The following ZNF385B variants were observed in gnomAD, a reference collection of about 807,000 sequenced individuals.
The protein encoded by ZNF385B is zinc finger protein 385B, also known as zinc finger protein 533.
ZNF385B carries 23 observed loss-of-function variants against 39.2 expected under a neutral mutation model. The observed-to-expected ratio is 0.59, with a 90% CI of 0.42 to 0.83. ZNF385B has a LOEUF of 0.83. Among genes scored for constraint, ZNF385B ranks in the 40% least tolerant of loss-of-function variants. The pLI is 0.00. For missense variants in ZNF385B, 552 were observed against 598.9 expected, an observed-to-expected ratio of 0.92 and a Z score of 0.82; for synonymous variants, 205 against 222.6, an observed-to-expected ratio of 0.92 and a Z score of 0.70.
chr2:179,493,511 G>GTATACATATGTGTGTACATATATGCA (rs2055527893), intron 5 of ZNF385B, among the ~76,000 whole-genome samples: 2 of 151,012 alleles, frequency 1.3e-5, no homozygotes, highest in South Asian at 2.1e-4. Context: ...ACATATATGC[G>GTATACATATGTGTGTACATATATGCA]TATACATATG....
chr2:179,790,465 T>C (rs1705260419), intron 1 of ZNF385B, among the ~76,000 whole-genome samples: 1 of 152,158 alleles, frequency 6.6e-6, no homozygotes, highest in African/African-American at 2.4e-5. Flanking sequence ...TTCAGTAAAT[T>C]TGGCATTTGT....
At chr2:179,675,978 G>A (rs943344764) in intron 3 of ZNF385B, among the ~76,000 whole-genome samples, 1 of 150,944 alleles carries the variant, frequency 6.6e-6, no homozygotes, top group African/African-American at 2.4e-5. Flanking sequence ...TAGTAGAGAC[G>A]GGGTTTCACC....
intron 3 of ZNF385B, among the ~76,000 whole-genome samples, chr2:179,747,495 A>G (rs1325124513): frequency 2.0e-5 from 3 of 152,096 alleles, no homozygotes; most frequent in Non-Finnish European, 2.9e-5. Context: ...TGACTTTGCA[A>G]TTGTTCAGTG....
intron 6 of ZNF385B, among the ~76,000 whole-genome samples, chr2:179,457,556 C>G (rs1472737185): frequency 6.6e-6 from 1 of 151,970 alleles, no homozygotes; most frequent in Non-Finnish European, 1.5e-5. Flanking sequence ...TATTGTCAGT[C>G]CTTTTGATTT....
intron 1 of ZNF385B, among the ~76,000 whole-genome samples, chr2:179,785,826 T>C (rs1008336388): frequency 2.6e-5 from 4 of 152,192 alleles, no homozygotes; most frequent in African/African-American, 7.2e-5. Context: ...TTAAATAGTT[T>C]AGAATATTTC....
intron 1 of ZNF385B, among the ~76,000 whole-genome samples, chr2:179,858,190 A>G (rs139261893): frequency 0.023 from 3,480 of 152,304 alleles, 132 homozygotes; most frequent in African/African-American, 0.079. Context: ...ATAAAGCATC[A>G]TGGAGATGAA....
intron 3 of ZNF385B, among the ~76,000 whole-genome samples, chr2:179,709,323 T>C (rs1386629682): frequency 5.3e-5 from 8 of 152,206 alleles, no homozygotes; most frequent in Non-Finnish European, 8.8e-5. Context: ...ACTAATGTTG[T>C]TCTGTCTGCC....
intron 5 of ZNF385B, among the ~76,000 whole-genome samples, chr2:179,514,859 A>G (rs2057973808): frequency 6.6e-6 from 1 of 151,044 alleles, no homozygotes; most frequent in South Asian, 2.1e-4. Flanking sequence ...GCTCACTGCA[A>G]CCTCTGCCAC....
At chr2:179,476,786 A>T (rs907668515) in intron 6 of ZNF385B, among the ~76,000 whole-genome samples, 12 of 152,304 alleles carry the variant, frequency 7.9e-5, no homozygotes, top group Admixed American at 2.0e-4. Flanking sequence ...TTTCATGAAA[A>T]TATGAGCTTT....
chr2:179,697,956 C>A (rs1301428820), intron 3 of ZNF385B, among the ~76,000 whole-genome samples: 2 of 152,150 alleles, frequency 1.3e-5, no homozygotes, highest in Non-Finnish European at 2.9e-5. Flanking sequence ...AAACCAAACA[C>A]CGCATGTTCT....
At chr2:179,684,733 AC>A (rs1326143573) in intron 3 of ZNF385B, among the ~76,000 whole-genome samples, 1 of 152,234 alleles carries the variant, frequency 6.6e-6, no homozygotes, top group Non-Finnish European at 1.5e-5. Context: ...GGGACTTTGA[AC>A]AGCAAACCCT....
intron 1 of ZNF385B, among the ~76,000 whole-genome samples, chr2:179,859,658 A>G (rs1192949826): frequency 6.6e-6 from 1 of 152,236 alleles, no homozygotes; most frequent in Non-Finnish European, 1.5e-5. Context: ...AATAGGTAAG[A>G]GTGTAAATTA....
At chr2:179,833,609 A>G (rs1173365381) in intron 1 of ZNF385B, among the ~76,000 whole-genome samples, 1 of 152,180 alleles carries the variant, frequency 6.6e-6, no homozygotes, top group African/African-American at 2.4e-5. Context: ...GCCTTATTAC[A>G]TTTTAAAGCT....
chr2:179,576,623 C>A (rs1685849079), intron 3 of ZNF385B, among the ~76,000 whole-genome samples: 1 of 152,148 alleles, frequency 6.6e-6, no homozygotes, highest in South Asian at 2.1e-4. Context: ...GAGCATCTTT[C>A]TATAAGTGCA....
intron 1 of ZNF385B, among the ~76,000 whole-genome samples, chr2:179,838,091 G>GA (rs1708349254): frequency 1.3e-5 from 2 of 151,808 alleles, no homozygotes; most frequent in East Asian, 1.9e-4. Context: ...GCCCAGTGTA[G>GA]AAAAAAAAGT....
chr2:179,816,618 A>G (rs570244711), intron 1 of ZNF385B, among the ~76,000 whole-genome samples: 9 of 152,176 alleles, frequency 5.9e-5, no homozygotes, highest in African/African-American at 9.7e-5. Context: ...CAATTTCTCT[A>G]AACACTATAC....
intron 4 of ZNF385B, among the ~76,000 whole-genome samples, chr2:179,521,630 G>T (rs111953620): frequency 0.01 from 1,582 of 152,112 alleles, 30 homozygotes; most frequent in African/African-American, 0.036. Flanking sequence ...AAATAGAAAG[G>T]TAGGCAAGTT....
rs531116296 is a variant in ZNF385B at position 179,600,203 on chromosome 2, G to A, written c.299-55234C>T. 2.6e-4 allele frequency among the ~76,000 whole-genome samples: 40 copies of A among 152,178 alleles called. 1 individual carries two copies. The highest frequency in any genetic ancestry group is 9.4e-4 in the African/African-American group (39 of 41,536). ...GCCTAAGGCCAACCATCATTGCTTA[G>A]AAAATGTCTGCAAACATAAGGGTTA... On this transcript the variant is annotated intron_variant, in intron 3 of 9. Coordinates refer to ENST00000410066, the MANE Select transcript of ZNF385B (RefSeq NM_152520.6).
intron 3 of ZNF385B, among the ~76,000 whole-genome samples, chr2:179,591,680 T>G (rs1343950123): frequency 6.6e-6 from 1 of 152,160 alleles, no homozygotes; most frequent in Non-Finnish European, 1.5e-5. Flanking sequence ...TCTCTCTGCT[T>G]GGTTTATACT....
Sources: allele counts gnomAD v4.1 joint callset (sites outside exome capture counted in the v4.1 genomes callset), GRCh38; gene constraint gnomAD v4.1.1; transcripts MANE v1.5; gene names NCBI Gene and HGNC (gene_info 2026-07-23, HGNC 2026-07-21).